SDK1: variants seen among roughly 807,000 people sequenced by gnomAD.
SDK1 encodes protein sidekick-1.
Under a neutral mutation model 245.5 loss-of-function variants are expected in SDK1, and 157 were observed. That is an observed-to-expected ratio of 0.64 (90% CI 0.56 to 0.73). SDK1 has a LOEUF of 0.73. Ranked by LOEUF, SDK1 falls within the 30% of genes least tolerant of loss-of-function variation. The probability of loss-of-function intolerance (pLI) is 0.00; values close to 1 mark genes in which losing one functional copy is unlikely to be tolerated. For missense variants in SDK1, 3,583 were observed against 3,002.3 expected (o/e 1.19, Z -4.52); for synonymous variants, 1,647 against 1,278.5 (o/e 1.29, Z -6.15).
intron 4 of SDK1, among the ~76,000 whole-genome samples, chr7:3,667,848 T>C (rs548303420): frequency 2.0e-5 from 3 of 152,362 alleles, no homozygotes; most frequent in East Asian, 1.9e-4. Flanking sequence ...TATTCCCCAG[T>C]TGAAGGGCAT....
Position 3,495,408 on chromosome 7 carries a change from G to A in SDK1, c.299-123672G>A, listed in dbSNP as rs888913384. 4.9e-4 allele frequency among the ~76,000 whole-genome samples: 74 copies of A among 151,742 alleles called. 1 individual carries two copies. The highest frequency in any genetic ancestry group is 1.8e-3 in the African/African-American group (73 of 41,286). The stretch of plus-strand genomic sequence containing the variant: ...GAGTAGCTGGGATTACAGCCTGTGT[G>A]ACGCCACACTGGAGTAATTTTTGTA... On this transcript the variant is annotated intron_variant, in intron 1 of 44. Transcript: ENST00000404826.
rs564497206 is a variant in SDK1 at position 3,963,718 on chromosome 7, C to T, written c.1429+867C>T. On this transcript the variant is annotated intron_variant, in intron 9 of 44. Coordinates refer to ENST00000404826, the MANE Select transcript of SDK1 (RefSeq NM_152744.4). ...CAGGCTCACAGCTACCTGACCTGGA[C>T]GTATCCAGTGAGTACATTCAGCCCC... Among the ~76,000 whole-genome samples, 18 of 140,278 alleles carry T rather than the reference C, an allele frequency of 1.3e-4. No homozygotes were observed. In the South Asian group the frequency reaches 2.9e-3, roughly 23 times the overall value. 92.0% of individuals were successfully genotyped at this position (140,278 alleles called of 152,430 possible).
At chr7:3,775,023 G>C (rs536573618) in intron 4 of SDK1, among the ~76,000 whole-genome samples, 1 of 152,150 alleles carries the variant, frequency 6.6e-6, no homozygotes, top group Non-Finnish European at 1.5e-5. Flanking sequence ...GACAGTGCTC[G>C]GCGCTGATCG....
At chr7:3,378,773 A>G (rs1426141924) in intron 1 of SDK1, among the ~76,000 whole-genome samples, 4 of 150,600 alleles carry the variant, frequency 2.7e-5, no homozygotes, top group Admixed American at 1.3e-4. Context: ...GGCAGGGAGC[A>G]TATAGCGGGG....
chr7:3,951,805 A>C lies in SDK1; in HGVS notation c.1035A>C (p.Arg345Ser), dbSNP rs369425101. 5 of 1,613,812 alleles carry C rather than the reference A, an allele frequency of 3.1e-6. No individual in the cohort carries two copies. In the African/African-American group the frequency reaches 6.7e-5, roughly 22 times the overall value. Residue 345 changes from arginine to serine, a missense_variant, in exon 7 of 45, where the codon AGA (arginine) becomes AGC (serine). Arg to Ser is a moderately radical substitution (Grantham distance 110, BLOSUM62 -1). Transcript: ENST00000404826. Reference sequence around the variant, plus strand: ...CCAGTGGCCTCCACAGCTTTGGAAGACGCCTCACCATCAGCAACCCGACGT... The same window carrying C: ...CCAGTGGCCTCCACAGCTTTGGAAGCCGCCTCACCATCAGCAACCCGACGT... Reference protein sequence around the residue: ...RITSGLHSFGRRLTISNPTSA... With the variant: ...RITSGLHSFGSRLTISNPTSA...
At chr7:4,079,309 G>A (rs140107806) in intron 21 of SDK1, among the ~76,000 whole-genome samples, 154 bp from the exon 22 acceptor site, 45 of 152,266 alleles carry the variant, frequency 3.0e-4, no homozygotes, top group Non-Finnish European at 5.7e-4. Context: ...TGGGGAAGCT[G>A]TGCTGCTTCT....
At chr7:4,055,820 C>T (rs1165091029) in intron 19 of SDK1, among the ~76,000 whole-genome samples, 2 of 152,024 alleles carry the variant, frequency 1.3e-5, no homozygotes, top group Non-Finnish European at 2.9e-5. Context: ...GATGTTTTGA[C>T]ACTCTATGCT....
At chr7:3,909,088 A>C (rs1779063802) in intron 5 of SDK1, among the ~76,000 whole-genome samples, 1 of 152,122 alleles carries the variant, frequency 6.6e-6, no homozygotes, top group Non-Finnish European at 1.5e-5. Context: ...GTTGCCCTAA[A>C]AGTTATTTAT....
chr7:3,600,547 T>A (rs1430448680), intron 1 of SDK1, among the ~76,000 whole-genome samples: 1 of 140,570 alleles, frequency 7.1e-6, no homozygotes, highest in Non-Finnish European at 1.6e-5. Flanking sequence ...TGATATTAGA[T>A]GTAGTTTTTT....
At chr7:4,089,032 C>A (rs183523598) in intron 22 of SDK1, among the ~76,000 whole-genome samples, 1 of 151,402 alleles carries the variant, frequency 6.6e-6, no homozygotes, top group East Asian at 2.0e-4. Context: ...ACAATGAGGC[C>A]CCTCAGATGG....
chr7:3,612,367 A>G (rs1035365559), intron 1 of SDK1, among the ~76,000 whole-genome samples: 1 of 152,216 alleles, frequency 6.6e-6, no homozygotes, highest in African/African-American at 2.4e-5. Context: ...CCAGAAGTAC[A>G]TTTGAAAATC....
Position 4,265,613 on chromosome 7 carries a change from C to G in SDK1, c.*229C>G. The G allele has an allele frequency of 7.5e-7, 1 of 1,335,680 alleles. No homozygotes were observed. Among genetic ancestry groups the G allele is most frequent in the Non-Finnish European group, 9.5e-7 (1 of 1,052,464 alleles). 82.7% of individuals were successfully genotyped at this position (1,335,680 alleles called of 1,614,324 possible). On this transcript the variant is annotated 3_prime_UTR_variant, in exon 45 of 45. Coordinates refer to ENST00000404826, the MANE Select transcript of SDK1 (RefSeq NM_152744.4). The stretch of plus-strand genomic sequence containing the variant: ...AAGCAGGTTTGTTTCTTTTTCTTTT[C>G]TTTTTAAGAGAAGGTGTATTTCACT...
chr7:3,911,986 A>C (rs1779183608), intron 5 of SDK1, among the ~76,000 whole-genome samples: 1 of 151,998 alleles, frequency 6.6e-6, no homozygotes, highest in Admixed American at 6.5e-5. Context: ...CATTCTAGGG[A>C]AGGGGCCAAC....
Position 4,089,830 on chromosome 7 carries a change from G to A in SDK1, c.3324+10246G>A, listed in dbSNP as rs550154414. On this transcript the variant is annotated intron_variant, in intron 22 of 44. Transcript: ENST00000404826. The stretch of plus-strand genomic sequence containing the variant: ...ACAGAGAATTCCCCTCCACCCAAAG[G>A]CCTCATCCATGATTTGCCCAGTTTT... Among the ~76,000 whole-genome samples the A allele has an allele frequency of 2.0e-5, 3 of 152,292 alleles. No homozygotes were observed. The South Asian group carries it at 6.2e-4, about 32-fold the overall frequency.
At chr7:3,789,151 G>A (rs1323111423) in intron 4 of SDK1, among the ~76,000 whole-genome samples, 1 of 151,932 alleles carries the variant, frequency 6.6e-6, no homozygotes, top group Non-Finnish European at 1.5e-5. Flanking sequence ...TCCACTTGTA[G>A]CTGCTTTTTT....
chr7:3,658,161 C>G (rs549456238), intron 4 of SDK1, among the ~76,000 whole-genome samples: 22 of 152,338 alleles, frequency 1.4e-4, no homozygotes, highest in African/African-American at 5.3e-4. Flanking sequence ...GTGATGATCA[C>G]ATCCCCTCAC....
intron 1 of SDK1, among the ~76,000 whole-genome samples, chr7:3,476,451 A>G (rs571282592): frequency 5.9e-5 from 9 of 152,280 alleles, no homozygotes; most frequent in Admixed American, 2.6e-4. Context: ...TTATTATGCC[A>G]TTGTTCTCAT....
At chr7:4,214,618 C>T (rs766244792) in intron 38 of SDK1, among the ~76,000 whole-genome samples, 17 of 152,138 alleles carry the variant, frequency 1.1e-4, no homozygotes, top group Admixed American at 1.0e-3. Context: ...CAGGCCTCCC[C>T]GGGTGTCAGG....
chr7:3,417,386 G>C (rs1480309621), intron 1 of SDK1, among the ~76,000 whole-genome samples: 1 of 152,140 alleles, frequency 6.6e-6, no homozygotes, highest in African/African-American at 2.4e-5. Context: ...TAGTTCTCAA[G>C]TTTGCCAAAC....
Sources: gnomAD v4.1 joint callset for allele counts (sites outside exome capture counted in the v4.1 genomes callset) on GRCh38, gnomAD v4.1.1 for gene constraint, MANE v1.5 for transcripts, NCBI Gene and HGNC (gene_info 2026-07-23, HGNC 2026-07-21) for gene names.